AKAIN1: variants seen among roughly 807,000 people sequenced by gnomAD.
AKAIN1 encodes the protein A-kinase anchor protein inhibitor 1.
Under a neutral mutation model 3.7 loss-of-function variants are expected in AKAIN1, and 3 were observed. The observed-to-expected ratio is 0.82, with a 90% CI of 0.37 to 2.12. The LOEUF is 2.12. AKAIN1 is among the 30% of genes most tolerant of loss of function. The pLI, the probability that AKAIN1 is intolerant of heterozygous loss-of-function variation, is 0.06. For missense variants in AKAIN1, 82 were observed against 82.7 expected (o/e 0.99, Z 0.03); for synonymous variants, 31 against 30.8 (o/e 1.01, Z -0.02).
intron 1 of AKAIN1, among the ~76,000 whole-genome samples, chr18:5,176,252 A>T (rs2071225719): frequency 6.6e-6 from 1 of 152,156 alleles, no homozygotes; most frequent in African/African-American, 2.4e-5. Flanking sequence ...CAAGCTGGCC[A>T]ATATGGTGAA....
In AKAIN1 at chr18:5,144,470, G is replaced by C. The variant is rs2071037585; in HGVS notation, c.*1092C>G. 6.6e-6 allele frequency among the ~76,000 whole-genome samples: 1 copy of C among 152,178 alleles called. No individual in the cohort carries two copies. The highest frequency in any genetic ancestry group is 2.1e-4 in the South Asian group (1 of 4,834). On this transcript the variant is annotated 3_prime_UTR_variant, in exon 2 of 2. Transcript: ENST00000434239. ...AAGTGGAGCAGGGATTGATCCTGTT[G>C]CTGCACAGATAACTTTATTACACGT...
intron 1 of AKAIN1, among the ~76,000 whole-genome samples, chr18:5,188,596 C>T (rs1193047803): frequency 6.6e-6 from 1 of 152,064 alleles, no homozygotes; most frequent in African/African-American, 2.4e-5. Flanking sequence ...TCAGGCCTTG[C>T]TGCAAACCCT....
At chr18:5,166,995 G>C (rs1357908970) in intron 1 of AKAIN1, among the ~76,000 whole-genome samples, 1 of 151,998 alleles carries the variant, frequency 6.6e-6, no homozygotes, top group Non-Finnish European at 1.5e-5. Context: ...AGAATGGTCT[G>C]CCTTCTCTTA....
intron 1 of AKAIN1, among the ~76,000 whole-genome samples, chr18:5,172,422 T>C (rs2143351137): frequency 6.6e-6 from 1 of 152,232 alleles, no homozygotes; most frequent in Non-Finnish European, 1.5e-5. Flanking sequence ...CCCATAAATA[T>C]ATGCACCTGC....
chr18:5,165,107 A>G (rs966475397), intron 1 of AKAIN1, among the ~76,000 whole-genome samples: 2 of 152,022 alleles, frequency 1.3e-5, no homozygotes, highest in Admixed American at 6.6e-5. Context: ...GCTAGTAGGT[A>G]GCAGAACATA....
At position 5,145,664 on chromosome 18, in the gene AKAIN1, T is replaced by A. The variant is rs1193170251; in HGVS notation, c.108A>T (p.Gln36His). ...CTCTGCGCTGACTCTCCTGGGAGAC[T>A]TGCTGCACAGCTTGCAGGATTGCAT... Reference protein sequence around the residue: ...VQNAILQAVQQVSQESQRREE... With the variant: ...VQNAILQAVQHVSQESQRREE... The change falls in exon 2 of 2, where the codon CAA becomes CAT. Residue 36 changes from glutamine (Q) to histidine (H), a missense_variant. By Grantham distance (24) the Gln-to-His change is conservative (BLOSUM62 0). Transcript: ENST00000434239. 1 of 1,551,640 alleles carries A rather than the reference T, an allele frequency of 6.4e-7. No homozygotes were observed. Among genetic ancestry groups the A allele is most frequent in the Non-Finnish European group, 8.7e-7 (1 of 1,146,900 alleles).
At chr18:5,159,165 G>GT (rs1384179262) in intron 1 of AKAIN1, among the ~76,000 whole-genome samples, 2 of 147,974 alleles carry the variant, frequency 1.4e-5, no homozygotes, top group East Asian at 3.9e-4. Flanking sequence ...AAGATCAGAT[G>GT]TTTTACGTCT....
intron 1 of AKAIN1, among the ~76,000 whole-genome samples, chr18:5,166,610 T>C (rs931990282): frequency 1.3e-5 from 2 of 152,154 alleles, no homozygotes; most frequent in Non-Finnish European, 2.9e-5. Flanking sequence ...AAACAAAGTT[T>C]GTTGATAAAA....
chr18:5,178,062 G>A (rs921547279), intron 1 of AKAIN1, among the ~76,000 whole-genome samples: 2 of 152,048 alleles, frequency 1.3e-5, no homozygotes, highest in Non-Finnish European at 1.5e-5. Flanking sequence ...AGTCCTCAGT[G>A]CACATCCAGG....
At chr18:5,185,948 A>G (rs547417884) in intron 1 of AKAIN1, among the ~76,000 whole-genome samples, 38 of 152,290 alleles carry the variant, frequency 2.5e-4, no homozygotes, top group African/African-American at 7.9e-4. Flanking sequence ...TCAACAGTAG[A>G]CTGGATAAAC....
rs915874925 is a variant in AKAIN1 at position 5,144,939 on chromosome 18, T to A, written c.*623A>T. Among the ~76,000 whole-genome samples the A allele has an allele frequency of 1.3e-5, 2 of 152,214 alleles. No individual in the cohort carries two copies. The highest frequency in any genetic ancestry group is 6.5e-5 in the Admixed American group (1 of 15,282). On this transcript the variant is annotated 3_prime_UTR_variant, in exon 2 of 2. Coordinates refer to ENST00000434239, the MANE Select transcript of AKAIN1 (RefSeq NM_001145194.2). ...ACCAATTATGAAATCATTCAGAGAA[T>A]TGAGACTAAAAGACTGAGTTCTTGA...
At chr18:5,151,632 C>T (rs553059263) in intron 1 of AKAIN1, among the ~76,000 whole-genome samples, 18 of 152,274 alleles carry the variant, frequency 1.2e-4, no homozygotes, top group East Asian at 9.7e-4. Context: ...CTATTACCAC[C>T]GCCACCCTTA....
At chr18:5,145,805 G>T (rs190365119) in intron 1 of AKAIN1, 50 bp from the exon 2 acceptor site, 3 of 1,458,568 alleles carry the variant, frequency 2.1e-6, no homozygotes, top group Non-Finnish European at 2.8e-6. Flanking sequence ...TTAATTTCAG[G>T]AATGTGAGAG....
At chr18:5,184,155 T>G (rs1465889506) in intron 1 of AKAIN1, among the ~76,000 whole-genome samples, 1 of 152,096 alleles carries the variant, frequency 6.6e-6, no homozygotes, top group Non-Finnish European at 1.5e-5. Context: ...TCAATTTTTT[T>G]GCCACTCTGC....
chr18:5,151,356 TTAAA>T (rs1333296657), intron 1 of AKAIN1, among the ~76,000 whole-genome samples: 1 of 151,882 alleles, frequency 6.6e-6, no homozygotes, highest in African/African-American at 2.4e-5. Flanking sequence ...GGACCAGATG[TTAAA>T]TCTCACTCAT....
chr18:5,156,089 C>A (rs866279142), intron 1 of AKAIN1, among the ~76,000 whole-genome samples: 1 of 152,116 alleles, frequency 6.6e-6, no homozygotes, highest in African/African-American at 2.4e-5. Flanking sequence ...CCTGTCCCCA[C>A]TCAGATAAGA....
intron 1 of AKAIN1, among the ~76,000 whole-genome samples, chr18:5,150,209 A>G (rs2071072683): frequency 6.6e-6 from 1 of 152,232 alleles, no homozygotes. Context: ...TTCACTTGTA[A>G]GGACAAGATA....
chr18:5,172,130 G>A (rs559207156), intron 1 of AKAIN1, among the ~76,000 whole-genome samples: 1 of 152,248 alleles, frequency 6.6e-6, no homozygotes, highest in African/African-American at 2.4e-5. Context: ...ATTTGGGGGA[G>A]CTAAAAGTTA....
chr18:5,189,341 T>C (rs569005251), intron 1 of AKAIN1, among the ~76,000 whole-genome samples: 1 of 152,212 alleles, frequency 6.6e-6, no homozygotes, highest in Non-Finnish European at 1.5e-5. Flanking sequence ...AAATGATGAC[T>C]TGGCCACAGC....
Sources: gnomAD v4.1 joint callset for allele counts (sites outside exome capture counted in the v4.1 genomes callset) on GRCh38, gnomAD v4.1.1 for gene constraint, MANE v1.5 for transcripts, NCBI Gene and HGNC (gene_info 2026-07-23, HGNC 2026-07-21) for gene names.